KIRREL3: variants seen among roughly 807,000 people sequenced by gnomAD.
KIRREL3 encodes the protein kirre like nephrin family adhesion molecule 3.
KIRREL3 carries 36 observed loss-of-function variants against 89.7 expected under a neutral mutation model. The observed-to-expected ratio is 0.40, with a 90% CI of 0.31 to 0.53. The LOEUF (loss-of-function observed/expected upper bound fraction) is 0.53, where lower values mean the gene tolerates loss of function less well. Among genes scored for constraint, KIRREL3 ranks in the 20% least tolerant of loss-of-function variants. KIRREL3 has a pLI of 0.49. For missense variants in KIRREL3, 864 were observed against 1,056.6 expected, an observed-to-expected ratio of 0.82 and a Z score of 2.53; for synonymous variants, 445 against 441.4, an observed-to-expected ratio of 1.01 and a Z score of -0.10.
In KIRREL3 at chr11:126,739,184, C is replaced by A. The variant is rs1046428983; in HGVS notation, c.56-176272G>T. ...GCCAAACCCTTCCACCCGTTCCGTG[C>A]TATTGTTGGAGATGTGAATTCCACT... On this transcript the variant is annotated intron_variant, in intron 1 of 16. Transcript: ENST00000525144. This position sits in a 1 kb window ranked among gnomAD's most constrained non-coding sequence, Gnocchi z 5.5. Among the ~76,000 whole-genome samples the A allele has an allele frequency of 6.7e-6, 1 of 148,734 alleles. No homozygotes were observed. Among genetic ancestry groups the A allele is most frequent in the African/African-American group, 2.6e-5 (1 of 38,122 alleles).
At chr11:126,825,202 C>A (rs1370329777) in intron 1 of KIRREL3, among the ~76,000 whole-genome samples, 1 of 152,112 alleles carries the variant, frequency 6.6e-6, no homozygotes, top group Non-Finnish European at 1.5e-5. Context: ...AAACGAAGCG[C>A]TTGGGCATAA....
At chr11:126,440,154 TCCA>T (rs1472541222) in intron 11 of KIRREL3, 1 of 626,598 alleles carries the variant, frequency 1.6e-6, no homozygotes, top group Non-Finnish European at 3.0e-6. Flanking sequence ...GTCTTTTCTC[TCCA>T]CTACCCTCGT....
chr11:126,736,938 C>T lies in KIRREL3; in HGVS notation c.56-174026G>A, dbSNP rs1948821278. On this transcript the variant is annotated intron_variant, in intron 1 of 16. Coordinates refer to ENST00000525144, the MANE Select transcript of KIRREL3 (RefSeq NM_032531.4). This position sits in a 1 kb window ranked among gnomAD's most constrained non-coding sequence, Gnocchi z 5.0. ...GTGTGGAAAGGTCCTACTTAGTTTTCCAGGGAGCCAGCAATTGGTTACATC... is the reference window on the plus strand; with the variant it reads ...GTGTGGAAAGGTCCTACTTAGTTTTTCAGGGAGCCAGCAATTGGTTACATC... 6.6e-6 allele frequency among the ~76,000 whole-genome samples: 1 copy of T among 152,178 alleles called. No individual in the cohort carries two copies. The highest frequency in any genetic ancestry group is 1.5e-5 in the Non-Finnish European group (1 of 68,026).
At chr11:126,543,552 G>C (rs1938540510) in intron 2 of KIRREL3, among the ~76,000 whole-genome samples, 1 of 152,080 alleles carries the variant, frequency 6.6e-6, no homozygotes, top group Non-Finnish European at 1.5e-5. Flanking sequence ...GTCAGCAGAG[G>C]GTGTTTGATC....
chr11:126,688,607 T>G (rs1447393955), intron 1 of KIRREL3, among the ~76,000 whole-genome samples: 2 of 152,194 alleles, frequency 1.3e-5, no homozygotes, highest in Non-Finnish European at 2.9e-5. Flanking sequence ...GAGCCCTGGA[T>G]TGGTTGGGCC....
rs1940465470 is a variant in KIRREL3, at chr11:126,565,681, G to T, written c.56-2769C>A. ...TTGTCCATATATGAAAATTTGGGATGTCCTTTGGAGAGATTTGCAAAGCTA... is the reference window on the plus strand; with the variant it reads ...TTGTCCATATATGAAAATTTGGGATTTCCTTTGGAGAGATTTGCAAAGCTA... On this transcript the variant is annotated intron_variant, in intron 1 of 16. Coordinates refer to ENST00000525144, the MANE Select transcript of KIRREL3 (RefSeq NM_032531.4). The surrounding 1 kb of genome is among the most constrained non-coding windows in gnomAD (Gnocchi z 5.4). Among the ~76,000 whole-genome samples, 2 of 152,184 alleles carry T rather than the reference G, an allele frequency of 1.3e-5. No individual in the cohort carries two copies. Among genetic ancestry groups the T allele is most frequent in the Non-Finnish European group, 2.9e-5 (2 of 68,040 alleles).
chr11:126,487,659 A>G (rs931947376), intron 4 of KIRREL3, among the ~76,000 whole-genome samples: 2 of 152,252 alleles, frequency 1.3e-5, no homozygotes, highest in Non-Finnish European at 1.5e-5. Context: ...TTTAGAACTC[A>G]TTAGATGAAA....
chr11:126,509,212 A>G (rs989823847), intron 4 of KIRREL3, among the ~76,000 whole-genome samples: 2 of 152,150 alleles, frequency 1.3e-5, no homozygotes, highest in African/African-American at 4.8e-5. Context: ...TTCATGGGAT[A>G]TACCTTCTGC....
At chr11:126,442,845 G>A (rs1377684098) in intron 10 of KIRREL3, among the ~76,000 whole-genome samples, 2 of 152,210 alleles carry the variant, frequency 1.3e-5, no homozygotes, top group Admixed American at 6.5e-5. Context: ...CAGCTTCTTT[G>A]CTTCCCTCCA....
At chr11:126,855,784 A>G (rs1210045568) in intron 1 of KIRREL3, among the ~76,000 whole-genome samples, 1 of 152,116 alleles carries the variant, frequency 6.6e-6, no homozygotes, top group African/African-American at 2.4e-5. Context: ...TGACCAACCT[A>G]TGACTCTAGG....
rs1340073336 is a variant in KIRREL3 at position 126,708,187 on chromosome 11, A to G, written c.56-145275T>C. ...TCAGGCGGTATTCATGCCGCCTGGA[A>G]ACTCATCTGCCTGTGCCGCTGCTTT... On this transcript the variant is annotated intron_variant, in intron 1 of 16. Transcript: ENST00000525144. This position sits in a 1 kb window ranked among gnomAD's most constrained non-coding sequence, Gnocchi z 5.7. Among the ~76,000 whole-genome samples the G allele has an allele frequency of 6.6e-6, 1 of 152,148 alleles. No homozygotes were observed. Among genetic ancestry groups the G allele is most frequent in the Non-Finnish European group, 1.5e-5 (1 of 68,024 alleles).
intron 1 of KIRREL3, among the ~76,000 whole-genome samples, chr11:126,972,057 G>A (rs184346829): frequency 3.4e-4 from 51 of 152,212 alleles, no homozygotes; most frequent in African/African-American, 1.0e-3. Flanking sequence ...TGAAATCTCC[G>A]GATGAGTTAG....
intron 4 of KIRREL3, among the ~76,000 whole-genome samples, chr11:126,494,333 C>G (rs567071412): frequency 3.9e-5 from 6 of 152,142 alleles, no homozygotes; most frequent in Non-Finnish European, 8.8e-5. Flanking sequence ...GATTTTAATA[C>G]ACCTGCTTTT....
intron 1 of KIRREL3, among the ~76,000 whole-genome samples, chr11:126,695,148 G>A (rs977083948): frequency 2.0e-5 from 3 of 152,194 alleles, no homozygotes; most frequent in Admixed American, 6.5e-5. Context: ...CCACAAAGCC[G>A]AAAGTATTTA....
chr11:126,627,340 T>C lies in KIRREL3; in HGVS notation c.56-64428A>G, dbSNP rs1043869718. ...GTGGCCAAGGGCCTTGAAAACCATG[T>C]TGAAGCATGGTGACCTGGTCTGTGT... is the stretch of plus-strand genomic sequence containing the variant. On this transcript the variant is annotated intron_variant, in intron 1 of 16. Transcript: ENST00000525144. The surrounding 1 kb of genome is among the most constrained non-coding windows in gnomAD (Gnocchi z 5.0). Among the ~76,000 whole-genome samples, 10 of 152,160 alleles carry C rather than the reference T, an allele frequency of 6.6e-5. No individual in the cohort carries two copies. Among genetic ancestry groups the C allele is most frequent in the African/African-American group, 2.2e-4 (9 of 41,434 alleles).
At chr11:126,592,627 C>T (rs1416153379) in intron 1 of KIRREL3, among the ~76,000 whole-genome samples, 2 of 152,238 alleles carry the variant, frequency 1.3e-5, no homozygotes, top group African/African-American at 4.8e-5. Flanking sequence ...CCACACAGTA[C>T]ACTCTGCATG....
chr11:126,987,642 C>T lies in KIRREL3; in HGVS notation c.55+12813G>A, dbSNP rs1949905676. Among the ~76,000 whole-genome samples, 1 of 152,222 alleles carries T rather than the reference C, an allele frequency of 6.6e-6. No individual in the cohort carries two copies. Among genetic ancestry groups the T allele is most frequent in the Admixed American group, 6.5e-5 (1 of 15,280 alleles). The stretch of plus-strand genomic sequence containing the variant: ...TGATATGGATTTGGAACCCAGGCAT[C>T]AGCTGCCAAGGCTCTGTTGATATGA... On this transcript the variant is annotated intron_variant, in intron 1 of 16. Transcript: ENST00000525144. The surrounding 1 kb of genome is among the most constrained non-coding windows in gnomAD (Gnocchi z 4.6).
intron 15 of KIRREL3, among the ~76,000 whole-genome samples, chr11:126,426,516 T>C (rs1429389806): frequency 6.6e-6 from 1 of 152,216 alleles, no homozygotes; most frequent in African/African-American, 2.4e-5. Flanking sequence ...GGTATGTATA[T>C]GTTGAATGAA....
At chr11:126,916,751 C>T (rs758551957) in intron 1 of KIRREL3, among the ~76,000 whole-genome samples, 5 of 152,138 alleles carry the variant, frequency 3.3e-5, no homozygotes, top group African/African-American at 7.2e-5. Context: ...ATTTAGGTTT[C>T]GAAAAGAGAT....
Sources: allele counts gnomAD v4.1 joint callset (sites outside exome capture counted in the v4.1 genomes callset), GRCh38; gene constraint gnomAD v4.1.1; non-coding constraint Gnocchi (gnomAD v3.1); transcripts MANE v1.5; gene names NCBI Gene and HGNC (gene_info 2026-07-23, HGNC 2026-07-21).